Variants in MICAL3 observed in about 807,000 individuals in gnomAD.
The protein encoded by MICAL3 is [F-actin]-monooxygenase MICAL3.
In MICAL3, 62 loss-of-function variants were observed where a neutral mutation model predicts 207.4. The observed-to-expected ratio is 0.30, with a 90% CI of 0.24 to 0.37. The LOEUF is 0.37. MICAL3 is among the 10% of genes least tolerant of loss of function. MICAL3 has a pLI of 1.00. For synonymous variants in MICAL3, 1,077 were observed against 1,069.3 expected (o/e 1.01, Z -0.14); for missense variants, 2,368 against 2,635.6 (o/e 0.90, Z 2.22).
In MICAL3 at chr22:17,808,797, G is replaced by A. The variant is rs370454814; in HGVS notation, c.5650+47C>T. On this transcript the variant is annotated intron_variant, in intron 29 of 31. Transcript: ENST00000441493. ...CAAAACTAGCCTACCACGGCGGGAGGGAGGGCTTCCTCCAGGAGCAGAGCT... is the reference window on the plus strand; with the variant it reads ...CAAAACTAGCCTACCACGGCGGGAGAGAGGGCTTCCTCCAGGAGCAGAGCT... 6.3e-4 allele frequency: 945 copies of A among 1,493,988 alleles called. 1 individual carries two copies. Among genetic ancestry groups the A allele is most frequent in the Middle Eastern group, 4.1e-3 (23 of 5,658 alleles). The allele number at this position is 1,493,988 out of a possible 1,614,324, so 92.5% of individuals were successfully genotyped here. A position where few individuals can be genotyped will look rare whatever the true frequency, so the allele number is the denominator to read the frequency against.
At chr22:17,926,537 G>C (rs1161926415) in intron 1 of MICAL3, among the ~76,000 whole-genome samples, 1 of 152,162 alleles carries the variant, frequency 6.6e-6, no homozygotes, top group Non-Finnish European at 1.5e-5. Flanking sequence ...GAATATGCCA[G>C]GGCATACATA....
chr22:17,824,739 G>A (rs773726947), intron 22 of MICAL3, among the ~76,000 whole-genome samples: 4 of 152,116 alleles, frequency 2.6e-5, no homozygotes, highest in Non-Finnish European at 5.9e-5. Flanking sequence ...CTACAGCATC[G>A]GCACCTGCTG....
chr22:17,889,077 C>T lies in MICAL3; in HGVS notation c.1848G>A (p.Leu616=), dbSNP rs1930180632. ...EPDKLSMVMY[L]TQFYEMFKDS... is the part of the protein sequence containing the mutation. Reference sequence around the variant, plus strand: ...CCTTAAACATCTCGTAGAACTGAGTCAGGTACATCACCATGGACAGCTTAT... The same window carrying T: ...CCTTAAACATCTCGTAGAACTGAGTTAGGTACATCACCATGGACAGCTTAT... Residue 616 remains leucine, a synonymous_variant, in exon 13 of 32, where the codon CTG becomes CTA. Transcript: ENST00000441493. 1.2e-6 allele frequency: 2 copies of T among 1,613,300 alleles called. No individual in the cohort carries two copies. Among genetic ancestry groups the T allele is most frequent in the Non-Finnish European group, 1.7e-6 (2 of 1,179,384 alleles).
chr22:17,989,420 G>A (rs1252638998), intron 1 of MICAL3, among the ~76,000 whole-genome samples: 1 of 152,054 alleles, frequency 6.6e-6, no homozygotes, highest in African/African-American at 2.4e-5. Context: ...GCTGCAGCAA[G>A]ATCCCAGAGG....
At chr22:17,896,009 TGTCA>T (rs1449743700) in intron 9 of MICAL3, among the ~76,000 whole-genome samples, 1 of 152,234 alleles carries the variant, frequency 6.6e-6, no homozygotes, top group African/African-American at 2.4e-5. Context: ...ATTTCTTCTC[TGTCA>T]GTAAGAAATT....
At chr22:17,922,263 C>G (rs749988972) in intron 1 of MICAL3, among the ~76,000 whole-genome samples, 15 of 152,056 alleles carry the variant, frequency 9.9e-5, no homozygotes, top group African/African-American at 3.4e-4. Flanking sequence ...CATGTTTGCA[C>G]GTAGTACAGA....
chr22:17,788,941 G>C lies in MICAL3; in HGVS notation c.*1791C>G, dbSNP rs1395282056. The C allele has an allele frequency of 6.6e-6, 1 of 152,514 alleles. No homozygotes were observed. Among genetic ancestry groups the C allele is most frequent in the Non-Finnish European group, 1.5e-5 (1 of 68,250 alleles). 9.4% of individuals were successfully genotyped at this position (152,514 alleles called of 1,614,324 possible). On this transcript the variant is annotated 3_prime_UTR_variant, in exon 32 of 32. Coordinates refer to ENST00000441493, the MANE Select transcript of MICAL3 (RefSeq NM_015241.3). Reference sequence around the variant, plus strand: ...CTGGCCCCAGCCCACGGAGGCGGCAGGCGGCTGGAGCGCCCCTGGCAGGCG... The same window carrying C: ...CTGGCCCCAGCCCACGGAGGCGGCACGCGGCTGGAGCGCCCCTGGCAGGCG...
chr22:17,906,462 T>C, intron 2 of MICAL3, 87 bp downstream of exon 2: 23 of 1,607,534 alleles, frequency 1.4e-5, no homozygotes, highest in South Asian at 4.4e-5. Flanking sequence ...GTAGATCATA[T>C]ATGGTGAATG....
chr22:17,863,341 G>C, intron 19 of MICAL3: 2 of 985,334 alleles, frequency 2.0e-6, no homozygotes, highest in Non-Finnish European at 2.4e-6. Context: ...TGATGAAATA[G>C]GGCCCAGACT....
intron 1 of MICAL3, among the ~76,000 whole-genome samples, chr22:17,956,769 G>C (rs559385628): frequency 2.4e-4 from 37 of 152,342 alleles, no homozygotes; most frequent in African/African-American, 8.4e-4. Flanking sequence ...AGGGCAGGAA[G>C]AAGTGGACTC....
chr22:17,877,521 AGGGAGGTGAGGGAGG>A (rs1928924739), intron 16 of MICAL3, among the ~76,000 whole-genome samples: 1 of 134,104 alleles, frequency 7.5e-6, no homozygotes, highest in Non-Finnish European at 1.6e-5. Flanking sequence ...TAGGGAGGTT[AGGGAGGTGAGGGAGG>A]TTATGGAGGT....
chr22:17,849,483 C>T (rs552172383), intron 19 of MICAL3, among the ~76,000 whole-genome samples: 5 of 152,112 alleles, frequency 3.3e-5, no homozygotes, highest in South Asian at 2.1e-4. Flanking sequence ...TACAGGTGTG[C>T]GCCATCACGC....
At chr22:17,795,911 G>A (rs1368837721) in intron 29 of MICAL3, among the ~76,000 whole-genome samples, 2 of 142,722 alleles carry the variant, frequency 1.4e-5, no homozygotes, top group East Asian at 4.1e-4. Context: ...GGGGTGGGGG[G>A]TTTATAGTAA....
intron 29 of MICAL3, among the ~76,000 whole-genome samples, chr22:17,798,042 C>G (rs531018985): frequency 6.6e-6 from 1 of 152,342 alleles, no homozygotes; most frequent in African/African-American, 2.4e-5. Context: ...ATGAGGGAGA[C>G]TTCTAGAGCC....
At chr22:18,020,423 A>G (rs1344615882) in intron 1 of MICAL3, among the ~76,000 whole-genome samples, 1 of 151,346 alleles carries the variant, frequency 6.6e-6, no homozygotes, top group African/African-American at 2.4e-5. Flanking sequence ...CAATTTATAT[A>G]TGGTATTTCT....
intron 1 of MICAL3, among the ~76,000 whole-genome samples, chr22:18,020,613 T>TA (rs55654559): frequency 0.24 from 29,118 of 119,628 alleles, 3,921 homozygotes; most frequent in East Asian, 0.38. Context: ...CTTTAAAAAG[T>TA]AAAAAAAAAA....
At chr22:17,955,683 A>G (rs1033100894) in intron 1 of MICAL3, among the ~76,000 whole-genome samples, 9 of 152,372 alleles carry the variant, frequency 5.9e-5, no homozygotes, top group Middle Eastern at 3.4e-3. Flanking sequence ...TCCTTGGAGC[A>G]GCATTTTCTA....
chr22:17,928,141 A>G, intron 1 of MICAL3, among the ~76,000 whole-genome samples: 1 of 152,156 alleles, frequency 6.6e-6, no homozygotes, highest in East Asian at 1.9e-4. Flanking sequence ...TAGTACTGTT[A>G]GAAACACCTG....
At position 17,933,150 on chromosome 22, in the gene MICAL3, C is replaced by T. The variant is rs563278016; in HGVS notation, c.-74-26264G>A. Among the ~76,000 whole-genome samples, 17 of 152,306 alleles carry T rather than the reference C, an allele frequency of 1.1e-4. No homozygotes were observed. In the East Asian group the frequency reaches 1.2e-3, roughly 10 times the overall value. Reference sequence around the variant, plus strand: ...TAGACATCTACAGAACTCTCCACCCCAAATCAACAGAATATACATTCTTGT... The same window carrying T: ...TAGACATCTACAGAACTCTCCACCCTAAATCAACAGAATATACATTCTTGT... On this transcript the variant is annotated intron_variant, in intron 1 of 31. Coordinates refer to ENST00000441493, the MANE Select transcript of MICAL3 (RefSeq NM_015241.3).
Sources: gnomAD v4.1 joint callset for allele counts (sites outside exome capture counted in the v4.1 genomes callset) on GRCh38, gnomAD v4.1.1 for gene constraint, MANE v1.5 for transcripts, NCBI Gene and HGNC (gene_info 2026-07-23, HGNC 2026-07-21) for gene names.